NFATC3: variants seen among roughly 807,000 people sequenced by gnomAD.
NFATC3 encodes nuclear factor of activated T-cells, cytoplasmic 3.
Under a neutral mutation model 98.6 loss-of-function variants are expected in NFATC3, and 46 were observed. The observed-to-expected ratio is 0.47, with a 90% CI of 0.37 to 0.60. The LOEUF (loss-of-function observed/expected upper bound fraction) is 0.60, where lower values mean the gene tolerates loss of function less well. Ranked by LOEUF, NFATC3 falls within the 20% of genes least tolerant of loss-of-function variation. The pLI is 0.00. For synonymous variants in NFATC3, 512 were observed against 472.2 expected, an observed-to-expected ratio of 1.08 and a Z score of -1.09; for missense variants, 1,256 against 1,295.5, an observed-to-expected ratio of 0.97 and a Z score of 0.47.
At chr16:68,150,318 C>T (rs577756808) in intron 3 of NFATC3, among the ~76,000 whole-genome samples, 58 of 151,366 alleles carry the variant, frequency 3.8e-4, no homozygotes, top group African/African-American at 1.3e-3. Flanking sequence ...GGCTCATGCC[C>T]GTAATACCAG....
intron 3 of NFATC3, among the ~76,000 whole-genome samples, chr16:68,146,842 A>G (rs781735974): frequency 3.3e-5 from 5 of 152,270 alleles, no homozygotes; most frequent in Non-Finnish European, 7.3e-5. Context: ...CAGAGGGTGG[A>G]CTGAAGAGAT....
At chr16:68,165,861 T>G (rs1346053157) in intron 4 of NFATC3, among the ~76,000 whole-genome samples, 1 of 152,252 alleles carries the variant, frequency 6.6e-6, no homozygotes, top group African/African-American at 2.4e-5. Flanking sequence ...TTGATCATAA[T>G]TAGTTATCCA....
intron 1 of NFATC3, among the ~76,000 whole-genome samples, chr16:68,086,149 ATCTAT>A (rs2034361681): frequency 6.6e-6 from 1 of 152,158 alleles, no homozygotes; most frequent in Admixed American, 6.5e-5. Flanking sequence ...TGGGTTTTTC[ATCTAT>A]TCTAGGTCGT....
chr16:68,186,514 TG>T (rs1339023481), intron 8 of NFATC3, among the ~76,000 whole-genome samples: 4 of 152,282 alleles, frequency 2.6e-5, no homozygotes, highest in Non-Finnish European at 5.9e-5. Context: ...CACTCCAGCC[TG>T]GGTGACAGAA....
intron 3 of NFATC3, among the ~76,000 whole-genome samples, chr16:68,144,435 G>GA (rs370073775): frequency 7.6e-4 from 107 of 141,094 alleles, no homozygotes; most frequent in Middle Eastern, 3.6e-3. Context: ...ATTTATAACA[G>GA]AAAAAAAAAA....
intron 1 of NFATC3, among the ~76,000 whole-genome samples, chr16:68,101,625 A>G (rs988114928): frequency 6.6e-5 from 10 of 151,924 alleles, no homozygotes; most frequent in Non-Finnish European, 1.5e-4. Context: ...CTGGGACTAC[A>G]GGCGCCTGCC....
At chr16:68,218,059 C>A in intron 9 of NFATC3, 1 of 1,047,780 alleles carries the variant, frequency 9.5e-7, no homozygotes, top group East Asian at 6.9e-5. Context: ...TGGTTTTTCC[C>A]TTTTTTTTGT....
intron 1 of NFATC3, among the ~76,000 whole-genome samples, chr16:68,091,763 GGTGTT>G (rs2151441193): frequency 6.6e-6 from 1 of 152,322 alleles, no homozygotes; most frequent in South Asian, 2.1e-4. Context: ...AAATAAGGAA[GGTGTT>G]GTGTAAAGCT....
chr16:68,219,473 G>A (rs528748994), intron 9 of NFATC3, among the ~76,000 whole-genome samples: 1 of 152,090 alleles, frequency 6.6e-6, no homozygotes, highest in African/African-American at 2.4e-5. Context: ...GCTCTGAAGC[G>A]GGAGGATCGC....
At chr16:68,169,667 G>A (rs940774438) in intron 5 of NFATC3, among the ~76,000 whole-genome samples, 11 of 152,142 alleles carry the variant, frequency 7.2e-5, no homozygotes, top group East Asian at 1.9e-4. Context: ...TTGGCCAGGC[G>A]CCGTGGCTCA....
intron 8 of NFATC3, among the ~76,000 whole-genome samples, 183 bp downstream of exon 8, chr16:68,183,549 G>C (rs1410959664): frequency 5.3e-5 from 8 of 152,150 alleles, no homozygotes; most frequent in Admixed American, 5.2e-4. Context: ...TTGTTATTTT[G>C]TAATGATTTA....
At position 68,202,583 on chromosome 16, in the gene NFATC3, A is replaced by T. The variant is rs2040971485; in HGVS notation, c.3106+10808A>T. ...TCCCAGCACTTTGGGAGGCCGAGGC[A>T]GGTAGATCGCCTGAGGTCAAGAGTT... On this transcript the variant is annotated intron_variant, in intron 9 of 9. Transcript: ENST00000346183. Among the ~76,000 whole-genome samples, 3 of 152,220 alleles carry T rather than the reference A, an allele frequency of 2.0e-5. No homozygotes were observed. The South Asian group carries it at 6.2e-4, about 32-fold the overall frequency.
intron 9 of NFATC3, among the ~76,000 whole-genome samples, chr16:68,211,429 T>G (rs2041387250): frequency 1.3e-5 from 2 of 151,374 alleles, no homozygotes; most frequent in African/African-American, 4.9e-5. Context: ...CTTGTGATCC[T>G]CCCGCCTCGG....
intron 3 of NFATC3, among the ~76,000 whole-genome samples, chr16:68,142,154 A>G (rs1205808914): frequency 2.0e-5 from 3 of 151,972 alleles, no homozygotes; most frequent in Admixed American, 6.6e-5. Flanking sequence ...ACTCTGTTCT[A>G]TTAATCTTTG....
At chr16:68,161,870 A>G (rs1406454638) in intron 4 of NFATC3, among the ~76,000 whole-genome samples, 1 of 152,226 alleles carries the variant, frequency 6.6e-6, no homozygotes, top group Non-Finnish European at 1.5e-5. Flanking sequence ...GAAATTGGGA[A>G]AGGCTCATAT....
chr16:68,139,126 G>A (rs936156894), intron 3 of NFATC3, among the ~76,000 whole-genome samples: 10 of 152,136 alleles, frequency 6.6e-5, no homozygotes, highest in Non-Finnish European at 1.2e-4. Flanking sequence ...GAGACAATGA[G>A]TAAATAAACA....
intron 9 of NFATC3, among the ~76,000 whole-genome samples, chr16:68,204,416 T>A (rs2041056503): frequency 6.6e-6 from 1 of 151,900 alleles, no homozygotes; most frequent in South Asian, 2.1e-4. Flanking sequence ...TAAACTCATA[T>A]TTTTTTTGAA....
In NFATC3 at chr16:68,191,008, T is replaced by C. The variant is rs760892762; in HGVS notation, c.2339T>C (p.Met780Thr). Residue 780 changes from methionine (M) to threonine (T), a missense_variant, in exon 9 of 10, where the codon ATG becomes ACG. Met to Thr is a moderately conservative substitution (Grantham distance 81). This residue lies in a region of NFATC3 where 636 missense variants were observed against 617.3 expected (regional missense o/e 1.03). Transcript: ENST00000346183. ...GAGAGTGTTAGTAAAGAACAGCATATGATTCCTTCTCCAATTGTACACCAG... is the reference window on the plus strand; with the variant it reads ...GAGAGTGTTAGTAAAGAACAGCATACGATTCCTTCTCCAATTGTACACCAG... ...RDESVSKEQHMIPSPIVHQPF... is the reference protein window; with the variant it reads ...RDESVSKEQHTIPSPIVHQPF... The C allele has an allele frequency of 1.3e-5, 21 of 1,614,134 alleles. No homozygotes were observed. The highest frequency in any genetic ancestry group is 1.7e-5 in the Non-Finnish European group (20 of 1,180,050).
chr16:68,176,236 A>T (rs935644129), intron 6 of NFATC3, among the ~76,000 whole-genome samples: 20 of 152,056 alleles, frequency 1.3e-4, no homozygotes, highest in African/African-American at 3.9e-4. Context: ...TCGGCCTCCC[A>T]AAGTGCTGGA....
Sources: gnomAD v4.1 joint callset for allele counts (sites outside exome capture counted in the v4.1 genomes callset) on GRCh38, gnomAD v4.1.1 for gene constraint, gnomAD v4.1.1 regional missense constraint, MANE v1.5 for transcripts, NCBI Gene and HGNC (gene_info 2026-07-23, HGNC 2026-07-21) for gene names.